Variants in SPAG16 observed in about 807,000 individuals in gnomAD.
SPAG16 encodes sperm-associated antigen 16 protein.
Under a neutral mutation model 80.4 loss-of-function variants are expected in SPAG16, and 86 were observed. The ratio of observed to expected loss-of-function variants is 1.07; its 90% CI spans 0.90 to 1.28. The LOEUF is 1.28. Among genes scored for constraint, SPAG16 ranks in the 50% most tolerant of loss-of-function variants. The probability of loss-of-function intolerance (pLI) is 0.00; values close to 1 mark genes in which losing one functional copy is unlikely to be tolerated. For synonymous variants in SPAG16, 294 were observed against 265.9 expected (o/e 1.11, Z -1.03); for missense variants, 870 against 765.3 (o/e 1.14, Z -1.61).
chr2:214,303,536 C>T (rs1283649457), intron 15 of SPAG16, among the ~76,000 whole-genome samples: 2 of 152,082 alleles, frequency 1.3e-5, no homozygotes, highest in Non-Finnish European at 2.9e-5. Flanking sequence ...ATGCTTCTTT[C>T]TAGCTGCTTT....
At chr2:214,309,516 G>C (rs1047666514) in intron 15 of SPAG16, among the ~76,000 whole-genome samples, 1 of 151,916 alleles carries the variant, frequency 6.6e-6, no homozygotes, top group African/African-American at 2.4e-5. Flanking sequence ...TCTCATGTTT[G>C]TGGGCCTATC....
chr2:214,116,131 T>C (rs1576257581), intron 14 of SPAG16, among the ~76,000 whole-genome samples: 1 of 152,170 alleles, frequency 6.6e-6, no homozygotes, highest in African/African-American at 2.4e-5. Context: ...AGATCCTTGT[T>C]TGGCCTTAAA....
intron 10 of SPAG16, among the ~76,000 whole-genome samples, chr2:213,832,752 C>G (rs933178832): frequency 2.6e-5 from 4 of 152,166 alleles, no homozygotes; most frequent in South Asian, 4.1e-4. Flanking sequence ...CTTCATCAAC[C>G]TAAGCTTAAA....
chr2:213,713,601 A>G (rs2066102874), intron 10 of SPAG16, among the ~76,000 whole-genome samples: 1 of 152,218 alleles, frequency 6.6e-6, no homozygotes, highest in Non-Finnish European at 1.5e-5. Flanking sequence ...TGTGCCAGTC[A>G]TTTCAGCTTT....
intron 10 of SPAG16, among the ~76,000 whole-genome samples, chr2:213,747,027 A>G (rs1052566262): frequency 1.3e-5 from 2 of 152,192 alleles, no homozygotes; most frequent in Non-Finnish European, 2.9e-5. Context: ...AAAAGGAGAT[A>G]ACAGCTCCAT....
intron 9 of SPAG16, among the ~76,000 whole-genome samples, chr2:213,485,220 C>A (rs182186031): frequency 7.2e-5 from 11 of 152,200 alleles, no homozygotes; most frequent in African/African-American, 1.9e-4. Context: ...TCTCGAACTC[C>A]TGAGCTCAAG....
chr2:213,691,221 T>G (rs1381352658), intron 10 of SPAG16, among the ~76,000 whole-genome samples: 2 of 152,154 alleles, frequency 1.3e-5, no homozygotes, highest in Non-Finnish European at 2.9e-5. Context: ...TCAATAAACC[T>G]TGTGTAACCC....
chr2:214,225,530 C>T (rs1021987952), intron 15 of SPAG16, among the ~76,000 whole-genome samples: 1 of 152,088 alleles, frequency 6.6e-6, no homozygotes, highest in African/African-American at 2.4e-5. Flanking sequence ...AAGTTACTAT[C>T]TACTTAATAT....
At chr2:214,371,729 G>C (rs1415671099) in intron 15 of SPAG16, among the ~76,000 whole-genome samples, 2 of 146,028 alleles carry the variant, frequency 1.4e-5, no homozygotes, top group Non-Finnish European at 3.0e-5. Flanking sequence ...CGTCCAGGCT[G>C]GAGTGCAATG....
intron 14 of SPAG16, among the ~76,000 whole-genome samples, chr2:214,144,429 ATTG>A (rs71399117): frequency 0.66 from 99,709 of 151,632 alleles, 34,018 homozygotes; most frequent in African/African-American, 0.84. Context: ...TGGTTCTATA[ATTG>A]TTGTTTTAAT....
chr2:213,286,952 A>G lies in SPAG16; in HGVS notation c.136+2333A>G, dbSNP rs553289936. ...GGTTTACACACTGGGTTCAGGAAAA[A>G]GAGTTCTTACCCTGCAACACCCTTT... On this transcript the variant is annotated intron_variant, in intron 1 of 15. Coordinates refer to ENST00000331683, the MANE Select transcript of SPAG16 (RefSeq NM_024532.5). 3.9e-5 allele frequency among the ~76,000 whole-genome samples: 6 copies of G among 152,320 alleles called. No individual in the cohort carries two copies. The South Asian group carries it at 8.3e-4, about 21-fold the overall frequency.
At chr2:214,336,104 A>G (rs549125095) in intron 15 of SPAG16, among the ~76,000 whole-genome samples, 5 of 152,142 alleles carry the variant, frequency 3.3e-5, no homozygotes, top group Non-Finnish European at 5.9e-5. Context: ...GTAGTTGAAC[A>G]CATGGATTTA....
chr2:214,248,515 C>T (rs908900491), intron 15 of SPAG16, among the ~76,000 whole-genome samples: 2 of 151,902 alleles, frequency 1.3e-5, no homozygotes, highest in Non-Finnish European at 2.9e-5. Flanking sequence ...GACGGGATTT[C>T]ACCATGTTGA....
chr2:213,417,249 G>A (rs2069312895), intron 9 of SPAG16, among the ~76,000 whole-genome samples: 1 of 152,160 alleles, frequency 6.6e-6, no homozygotes, highest in South Asian at 2.1e-4. Flanking sequence ...TTTGGGTATA[G>A]CCATAACCTA....
intron 10 of SPAG16, among the ~76,000 whole-genome samples, chr2:213,694,811 C>T (rs1451739512): frequency 1.3e-5 from 2 of 150,852 alleles, no homozygotes; most frequent in East Asian, 3.9e-4. Flanking sequence ...TCCCTTGCCT[C>T]TCCTGTTCTG....
At chr2:213,939,994 G>A (rs780188207) in intron 12 of SPAG16, among the ~76,000 whole-genome samples, 13 of 151,970 alleles carry the variant, frequency 8.6e-5, no homozygotes, top group Admixed American at 5.9e-4. Context: ...TTCATATTTC[G>A]TTTCAATACA....
At chr2:213,441,177 C>T (rs2070928952) in intron 9 of SPAG16, among the ~76,000 whole-genome samples, 1 of 152,084 alleles carries the variant, frequency 6.6e-6, no homozygotes, top group African/African-American at 2.4e-5. Flanking sequence ...AAAAATAAAA[C>T]AAAACTAAGC....
chr2:214,377,200 C>G lies in SPAG16; in HGVS notation c.1721-32940C>G, dbSNP rs1700180861. Among the ~76,000 whole-genome samples, 8 of 152,190 alleles carry G rather than the reference C, an allele frequency of 5.3e-5. No homozygotes were observed. The South Asian group carries it at 1.7e-3, about 32-fold the overall frequency. ...TCATCTCTTCGGTAAGTTGCAGATC[C>G]CAATAAAAAGTGATGTCTCCCGGTT... is the stretch of plus-strand genomic sequence containing the variant. On this transcript the variant is annotated intron_variant, in intron 15 of 15. Coordinates refer to ENST00000331683, the MANE Select transcript of SPAG16 (RefSeq NM_024532.5).
intron 11 of SPAG16, among the ~76,000 whole-genome samples, chr2:213,912,611 C>T (rs2077725348): frequency 1.3e-5 from 2 of 152,086 alleles, no homozygotes; most frequent in Non-Finnish European, 2.9e-5. Flanking sequence ...CAATATCAAG[C>T]ATTCCAAGGC....
Sources: allele counts gnomAD v4.1 joint callset (sites outside exome capture counted in the v4.1 genomes callset), GRCh38; gene constraint gnomAD v4.1.1; transcripts MANE v1.5; gene names NCBI Gene and HGNC (gene_info 2026-07-23, HGNC 2026-07-21).